Variants in TMEM232 observed in about 807,000 individuals in gnomAD.
TMEM232 encodes the protein transmembrane protein 232.
TMEM232 carries 80 observed loss-of-function variants against 78.8 expected under a neutral mutation model. The observed-to-expected ratio is 1.01, with a 90% CI of 0.85 to 1.22. The LOEUF (loss-of-function observed/expected upper bound fraction) is 1.22. Among genes scored for constraint, TMEM232 ranks in the 50% most tolerant of loss-of-function variants. The pLI, the probability that TMEM232 is intolerant of heterozygous loss-of-function variation, is 0.00. For missense variants in TMEM232, 881 were observed against 742.2 expected, an observed-to-expected ratio of 1.19 and a Z score of -2.17; for synonymous variants, 297 against 254.3, an observed-to-expected ratio of 1.17 and a Z score of -1.60.
At chr5:110,597,823 G>T (rs1780363833) in intron 10 of TMEM232, among the ~76,000 whole-genome samples, 1 of 152,128 alleles carries the variant, frequency 6.6e-6, no homozygotes. Context: ...GTAGAAAGCT[G>T]AAACTGGATC....
intron 1 of TMEM232, among the ~76,000 whole-genome samples, chr5:110,736,027 T>G (rs964545270): frequency 1.6e-4 from 24 of 152,342 alleles, no homozygotes; most frequent in African/African-American, 5.5e-4. Flanking sequence ...TATTAAATGT[T>G]GTTTTAAGCT....
intron 3 of TMEM232, among the ~76,000 whole-genome samples, chr5:110,392,519 A>G (rs890147717): frequency 1.3e-5 from 2 of 152,224 alleles, no homozygotes; most frequent in African/African-American, 4.8e-5. Context: ...GAGACTGAGA[A>G]GTCCAAGATC....
intron 1 of TMEM232, among the ~76,000 whole-genome samples, chr5:110,690,194 C>T (rs28802654): frequency 0.094 from 14,379 of 152,192 alleles, 794 homozygotes; most frequent in South Asian, 0.18. Flanking sequence ...TCAGAGTGAA[C>T]AGGCAACCTA....
intron 1 of TMEM232, among the ~76,000 whole-genome samples, chr5:110,676,098 T>C (rs1791989026): frequency 6.6e-6 from 1 of 152,238 alleles, no homozygotes; most frequent in South Asian, 2.1e-4. Flanking sequence ...AATGACAGAA[T>C]TTCCTTATTT....
At chr5:110,491,745 G>C (rs1393143403) in intron 12 of TMEM232, among the ~76,000 whole-genome samples, 1 of 151,800 alleles carries the variant, frequency 6.6e-6, no homozygotes, top group African/African-American at 2.4e-5. Flanking sequence ...AAAAAACAAG[G>C]TTAAAGACGA....
intron 11 of TMEM232, among the ~76,000 whole-genome samples, chr5:110,554,390 C>G (rs563995816): frequency 6.6e-6 from 1 of 152,228 alleles, no homozygotes; most frequent in East Asian, 1.9e-4. Context: ...TGTTCCTCAG[C>G]CTACAGGTGG....
At chr5:110,460,239 G>C (rs1053728376) in intron 12 of TMEM232, among the ~76,000 whole-genome samples, 1 of 151,942 alleles carries the variant, frequency 6.6e-6, no homozygotes, top group Non-Finnish European at 1.5e-5. Context: ...GTGTTAAGGG[G>C]AAAAAGGTAT....
chr5:110,489,416 A>G (rs1183286834), intron 12 of TMEM232, among the ~76,000 whole-genome samples: 1 of 152,060 alleles, frequency 6.6e-6, no homozygotes, highest in Non-Finnish European at 1.5e-5. Flanking sequence ...AAATGACATG[A>G]TCTCAACAGA....
intron 10 of TMEM232, among the ~76,000 whole-genome samples, chr5:110,599,142 G>T (rs370338555): frequency 1.9e-4 from 29 of 152,092 alleles, no homozygotes; most frequent in Middle Eastern, 3.4e-3. Context: ...TCACCATCAG[G>T]CCTGCCTTAC....
At chr5:110,599,858 A>C (rs1780673966) in intron 10 of TMEM232, among the ~76,000 whole-genome samples, 1 of 152,198 alleles carries the variant, frequency 6.6e-6, no homozygotes, top group Non-Finnish European at 1.5e-5. Context: ...AATCAACAGA[A>C]TATACACTCT....
rs1447745318 is a variant in TMEM232, at chr5:110,511,432, T to TA, written c.1703+17155dup. Among the ~76,000 whole-genome samples, 10 of 151,550 alleles carry TA rather than the reference T, an allele frequency of 6.6e-5. No individual in the cohort carries two copies. In the East Asian group the frequency reaches 1.9e-3, roughly 29 times the overall value. ...CGCTCTGTGCATGTACCCCAGAACT[T>TA]AAAGTATAATTTAAAAAAAAAAGAA... On this transcript the variant is annotated intron_variant, in intron 12 of 13. Coordinates refer to ENST00000455884, the MANE Select transcript of TMEM232 (RefSeq NM_001039763.4).
chr5:110,594,344 C>A (rs1247821828), intron 10 of TMEM232, among the ~76,000 whole-genome samples: 2 of 152,112 alleles, frequency 1.3e-5, no homozygotes, highest in South Asian at 2.1e-4. Flanking sequence ...GCCTATACCA[C>A]CAGGGCCCCA....
intron 12 of TMEM232, among the ~76,000 whole-genome samples, chr5:110,500,462 G>A (rs1162089650): frequency 2.6e-5 from 4 of 151,906 alleles, no homozygotes; most frequent in Admixed American, 2.6e-4. Context: ...ATGACCATGA[G>A]TCAAATAAGA....
intron 3 of TMEM232, among the ~76,000 whole-genome samples, chr5:110,391,513 CAAAT>C (rs745686614): frequency 2.0e-5 from 3 of 151,820 alleles, no homozygotes; most frequent in Non-Finnish European, 4.4e-5. Context: ...AAATATTACT[CAAAT>C]AATATAAAGG....
intron 3 of TMEM232, among the ~76,000 whole-genome samples, chr5:110,391,326 T>TGAGAGAGAGAGAGAGAGAGA (rs71626630): frequency 2.9e-5 from 4 of 139,918 alleles, no homozygotes; most frequent in East Asian, 2.2e-4. Context: ...TGTGTGTGTG[T>TGAGAGAGAGAGAGAGAGAGA]GAGAGAGAGA....
intron 11 of TMEM232, among the ~76,000 whole-genome samples, chr5:110,539,626 G>A (rs1772843970): frequency 6.6e-6 from 1 of 152,120 alleles, no homozygotes; most frequent in African/African-American, 2.4e-5. Context: ...TTTGGGACAG[G>A]CCCCCTTTCT....
At chr5:110,503,548 A>G (rs1766509314) in intron 12 of TMEM232, among the ~76,000 whole-genome samples, 1 of 152,160 alleles carries the variant, frequency 6.6e-6, no homozygotes, top group African/African-American at 2.4e-5. Flanking sequence ...CCAGAGACCA[A>G]CGTAAAATGT....
chr5:110,465,162 G>T (rs535550639), intron 12 of TMEM232, among the ~76,000 whole-genome samples: 4 of 152,226 alleles, frequency 2.6e-5, no homozygotes, highest in Non-Finnish European at 4.4e-5. Context: ...TGAATATTCA[G>T]ATAGACAAAG....
At chr5:110,719,186 CATGTATAT>C (rs1191217794) in intron 1 of TMEM232, among the ~76,000 whole-genome samples, 1 of 150,976 alleles carries the variant, frequency 6.6e-6, no homozygotes, top group African/African-American at 2.4e-5. Flanking sequence ...TATGTATATA[CATGTATAT>C]ATGTATATAT....
Sources: gnomAD v4.1 joint callset for allele counts (sites outside exome capture counted in the v4.1 genomes callset) on GRCh38, gnomAD v4.1.1 for gene constraint, MANE v1.5 for transcripts, NCBI Gene and HGNC (gene_info 2026-07-23, HGNC 2026-07-21) for gene names.